Variants in ANKRD28 observed in about 807,000 individuals in gnomAD.
ANKRD28 encodes ankyrin repeat domain 28, also known as serine/threonine-protein phosphatase 6 regulatory ankyrin repeat subunit A.
In ANKRD28, 44 loss-of-function variants were observed where a neutral mutation model predicts 126.5. That is an observed-to-expected ratio of 0.35 (90% CI 0.27 to 0.45). ANKRD28 has a LOEUF of 0.45. Ranked by LOEUF, ANKRD28 falls within the 20% of genes least tolerant of loss-of-function variation. The pLI is 1.00. For missense variants in ANKRD28, 1,110 were observed against 1,316.6 expected (o/e 0.84, Z 2.43); for synonymous variants, 442 against 468.5 (o/e 0.94, Z 0.73).
At position 15,797,708 on chromosome 3, in the gene ANKRD28, G is replaced by T. The variant is rs2125836469; in HGVS notation, c.-1187C>A. 1.0e-6 allele frequency: 1 copy of T among 985,346 alleles called. No individual in the cohort carries two copies. Among genetic ancestry groups the T allele is most frequent in the East Asian group, 1.1e-4 (1 of 8,804 alleles). 61.0% of individuals were successfully genotyped at this position (985,346 alleles called of 1,614,324 possible). ...TTCTTTGAGCCAACTACTTTATTCAGTCATCTGCCTCTTTGCCAATATAGT... is the reference window on the plus strand; with the variant it reads ...TTCTTTGAGCCAACTACTTTATTCATTCATCTGCCTCTTTGCCAATATAGT... On this transcript the variant is annotated 5_prime_UTR_variant, in exon 1 of 28. In the 5' UTR this introduces an upstream ATG that the reference lacks. Coordinates refer to ENST00000683139, the MANE Select transcript of ANKRD28 (RefSeq NM_001349278.2).
chr3:15,731,874 A>AAAAAG (rs1553610861), intron 6 of ANKRD28: 1 of 59,082 alleles, frequency 1.7e-5, no homozygotes, highest in Non-Finnish European at 2.9e-5. Flanking sequence ...AAAAAAAAAA[A>AAAAAG]GGGGGGGGGG....
chr3:15,701,552 G>A (rs1433466434), intron 14 of ANKRD28, among the ~76,000 whole-genome samples: 2 of 152,094 alleles, frequency 1.3e-5, no homozygotes, highest in African/African-American at 2.4e-5. Context: ...GCTGAGGCAG[G>A]AGAATCACTT....
At chr3:15,820,253 A>C (rs1006473828) in intron 1 of ANKRD28, among the ~76,000 whole-genome samples, 3 of 152,212 alleles carry the variant, frequency 2.0e-5, no homozygotes, top group African/African-American at 7.2e-5. Flanking sequence ...ATATCAACCT[A>C]TAATACACAT....
At chr3:15,738,512 G>C (rs1669008030) in intron 4 of ANKRD28, 1 of 152,318 alleles carries the variant, frequency 6.6e-6, no homozygotes, top group Admixed American at 6.5e-5. Context: ...TCAGGAGACA[G>C]GGGCCGGGCA....
At chr3:15,720,807 G>A (rs2073647448) in intron 8 of ANKRD28, 108 bp downstream of exon 8, 1 of 974,198 alleles carries the variant, frequency 1.0e-6, no homozygotes, top group Non-Finnish European at 1.5e-6. Context: ...ATTTATCCAT[G>A]TTCTTGAGTT....
At chr3:15,794,399 T>C (rs2060180461) in intron 2 of ANKRD28, among the ~76,000 whole-genome samples, 1 of 152,000 alleles carries the variant, frequency 6.6e-6, no homozygotes, top group African/African-American at 2.4e-5. Flanking sequence ...ACCACAATCA[T>C]TTCTAGGTCA....
chr3:15,847,534 C>T (rs1375529124), intron 1 of ANKRD28, among the ~76,000 whole-genome samples: 1 of 152,142 alleles, frequency 6.6e-6, no homozygotes, highest in Non-Finnish European at 1.5e-5. Flanking sequence ...CTACAAGGAC[C>T]TCAATATATC....
At chr3:15,686,817 C>A (rs2068178563) in intron 18 of ANKRD28, among the ~76,000 whole-genome samples, 1 of 152,144 alleles carries the variant, frequency 6.6e-6, no homozygotes, top group Non-Finnish European at 1.5e-5. Context: ...ATTTTAGATG[C>A]AATCCTTAAA....
At chr3:15,755,617 A>C (rs2125419857) in intron 3 of ANKRD28, among the ~76,000 whole-genome samples, 1 of 152,338 alleles carries the variant, frequency 6.6e-6, no homozygotes, top group East Asian at 1.9e-4. Flanking sequence ...CAGCCACAAC[A>C]GCTAATAATG....
chr3:15,734,476 G>C (rs2074877196), intron 6 of ANKRD28, among the ~76,000 whole-genome samples: 1 of 152,118 alleles, frequency 6.6e-6, no homozygotes, highest in South Asian at 2.1e-4. Flanking sequence ...TTCCCACCCA[G>C]GAGTTAAAAT....
At chr3:15,695,039 C>G in intron 16 of ANKRD28, 149 bp downstream of exon 16, 1 of 749,390 alleles carries the variant, frequency 1.3e-6, no homozygotes, top group Non-Finnish European at 2.2e-6. Context: ...AAACATCTTC[C>G]TTTCCTCTGT....
At chr3:15,691,125 C>CTTT (rs535516050) in intron 17 of ANKRD28, among the ~76,000 whole-genome samples, 1 of 141,486 alleles carries the variant, frequency 7.1e-6, no homozygotes, top group Non-Finnish European at 1.6e-5. Flanking sequence ...CTGAAGTTGT[C>CTTT]TTTTTTTTTT....
intron 12 of ANKRD28, among the ~76,000 whole-genome samples, chr3:15,710,839 A>G (rs1231777145): frequency 6.6e-6 from 1 of 152,042 alleles, no homozygotes; most frequent in Non-Finnish European, 1.5e-5. Context: ...TCCTGGGGGA[A>G]AAAAAAATTA....
At chr3:15,840,884 T>C (rs1478000394) in intron 1 of ANKRD28, among the ~76,000 whole-genome samples, 1 of 152,236 alleles carries the variant, frequency 6.6e-6, no homozygotes, top group Admixed American at 6.5e-5. Context: ...CTCACGCCTG[T>C]AATCCCAGCA....
chr3:15,764,208 G>A (rs943337786), intron 3 of ANKRD28, among the ~76,000 whole-genome samples: 1 of 152,170 alleles, frequency 6.6e-6, no homozygotes, highest in Non-Finnish European at 1.5e-5. Flanking sequence ...GACAGAGCGA[G>A]ATTCTGTCTC....
At chr3:15,743,234 ACT>A (rs2057224670) in intron 4 of ANKRD28, among the ~76,000 whole-genome samples, 1 of 151,870 alleles carries the variant, frequency 6.6e-6, no homozygotes, top group Non-Finnish European at 1.5e-5. Flanking sequence ...GGACACAAAC[ACT>A]CTGCCTAGGA....
chr3:15,725,675 T>C (rs2074103916), intron 6 of ANKRD28, among the ~76,000 whole-genome samples: 1 of 152,212 alleles, frequency 6.6e-6, no homozygotes, highest in Non-Finnish European at 1.5e-5. Context: ...TTTATCTGTT[T>C]TGGTGATCTG....
intron 5 of ANKRD28, among the ~76,000 whole-genome samples, chr3:15,736,744 A>G (rs1425381023): frequency 6.6e-6 from 1 of 152,244 alleles, no homozygotes; most frequent in Admixed American, 6.5e-5. Context: ...GAACAATAAC[A>G]TATCTCTGTC....
chr3:15,725,041 A>G (rs1252979425), intron 6 of ANKRD28, among the ~76,000 whole-genome samples: 1 of 152,154 alleles, frequency 6.6e-6, no homozygotes, highest in Non-Finnish European at 1.5e-5. Flanking sequence ...TGGCAGAGAC[A>G]ATTAGTAATT....
Sources: allele counts gnomAD v4.1 joint callset (sites outside exome capture counted in the v4.1 genomes callset), GRCh38; gene constraint gnomAD v4.1.1; transcripts MANE v1.5; gene names NCBI Gene and HGNC (gene_info 2026-07-23, HGNC 2026-07-21).